ZNF436: variants seen among roughly 807,000 people sequenced by gnomAD.
The protein encoded by ZNF436 is DNA-binding protein.
ZNF436 carries 22 observed loss-of-function variants against 41.9 expected under a neutral mutation model. That is an observed-to-expected ratio of 0.53 (90% CI 0.38 to 0.75). The LOEUF (loss-of-function observed/expected upper bound fraction) is 0.75, where lower values mean the gene tolerates loss of function less well. Among genes scored for constraint, ZNF436 ranks in the 30% least tolerant of loss-of-function variants. The pLI is 0.00. For missense variants in ZNF436, 506 were observed against 587.3 expected, an observed-to-expected ratio of 0.86 and a Z score of 1.43; for synonymous variants, 217 against 197.8, an observed-to-expected ratio of 1.10 and a Z score of -0.82.
rs866787292 is a variant in ZNF436 at position 23,362,600 on chromosome 1, C to A, written c.782G>T (p.Arg261Leu). ...CTGGTGCTGAGCTAGGTGAGAGCTC[C>A]GGCTGAAGCTTTTCCCACACTCCTC... ...ECEECGKSFS[R>L]SSHLAQHQRT... The change falls in exon 4 of 4, where the codon CGG (arginine) becomes CTG (leucine). Residue 261 changes from arginine to leucine, a missense_variant. Physicochemically the swap from Arg to Leu is moderately radical, Grantham distance 102. Around this residue, in one of 2 missense-constraint regions of ZNF436, gnomAD observed 278 missense variants for 372.1 expected, o/e 0.75. Coordinates refer to ENST00000314011, the MANE Select transcript of ZNF436 (RefSeq NM_001077195.2). 5 of 1,613,944 alleles carry A rather than the reference C, an allele frequency of 3.1e-6. No individual in the cohort carries two copies. In the Admixed American group the frequency reaches 8.3e-5, roughly 27 times the overall value.
intron 3 of ZNF436, 53 bp from the exon 4 acceptor site, chr1:23,363,274 G>A (rs1638289995): frequency 1.3e-6 from 2 of 1,497,192 alleles, no homozygotes; most frequent in Non-Finnish European, 9.0e-7. Context: ...TACCTATTGT[G>A]TGCCAGGCAC....
intron 3 of ZNF436, among the ~76,000 whole-genome samples, chr1:23,365,766 G>C (rs1225909305): frequency 6.6e-6 from 1 of 151,370 alleles, no homozygotes; most frequent in Non-Finnish European, 1.5e-5. Flanking sequence ...AAAATAAAAA[G>C]AATTAGCCGG....
At chr1:23,366,923 A>G (rs1638371449) in intron 3 of ZNF436, 119 bp downstream of exon 3, 1 of 1,194,682 alleles carries the variant, frequency 8.4e-7, no homozygotes, top group African/African-American at 1.5e-5. Context: ...ACTCAAGTCA[A>G]GCCAATATCC....
intron 3 of ZNF436, 50 bp downstream of exon 3, chr1:23,366,992 G>A (rs1233382202): frequency 6.3e-7 from 1 of 1,583,604 alleles, no homozygotes; most frequent in Non-Finnish European, 8.6e-7. Context: ...AAGTCATTTT[G>A]ACACGATCTC....
At chr1:23,368,135 C>G in intron 1 of ZNF436, 70 bp from the exon 2 acceptor site, 2 of 1,106,752 alleles carry the variant, frequency 1.8e-6, no homozygotes, top group Non-Finnish European at 2.6e-6. Flanking sequence ...GGCTGGAGTT[C>G]TGGCCCCAAG....
intron 3 of ZNF436, among the ~76,000 whole-genome samples, chr1:23,366,387 C>T (rs1020992320): frequency 5.4e-5 from 7 of 129,614 alleles, no homozygotes. Context: ...AAAGACCGTT[C>T]AGCTCAAGAA....
At chr1:23,367,863 C>G in intron 2 of ZNF436, 110 bp downstream of exon 2, 1 of 1,280,166 alleles carries the variant, frequency 7.8e-7, no homozygotes, top group East Asian at 2.3e-5. Flanking sequence ...AATATCGAAG[C>G]CAGCGAATTA....
intron 3 of ZNF436, among the ~76,000 whole-genome samples, chr1:23,366,799 T>C (rs1638366666): frequency 6.6e-6 from 1 of 152,242 alleles, no homozygotes; most frequent in African/African-American, 2.4e-5. Context: ...AGGCTGGAGA[T>C]TGGAAAATGA....
In ZNF436 at chr1:23,369,547, C is replaced by G. The variant is rs375742257; in HGVS notation, c.-242G>C. 8.4e-5 allele frequency: 45 copies of G among 533,618 alleles called. No homozygotes were observed. The highest frequency in any genetic ancestry group is 3.3e-4 in the Admixed American group (17 of 51,570). The allele number at this position is 533,618 out of a possible 1,614,324, so 33.1% of individuals were successfully genotyped here. On this transcript the variant is annotated 5_prime_UTR_variant, in exon 1 of 4. Transcript: ENST00000314011. ...CGAATTCGTAGACTTGCAGGCGAAG[C>G]CCAGATATCGTAGGCTGATCCTAAA...
chr1:23,364,694 A>G (rs1393711864), intron 3 of ZNF436, among the ~76,000 whole-genome samples: 1 of 152,226 alleles, frequency 6.6e-6, no homozygotes. Flanking sequence ...TCTGGCTGAG[A>G]ACATTCTTGG....
chr1:23,366,546 A>C (rs1349806819), intron 3 of ZNF436, among the ~76,000 whole-genome samples: 1 of 152,204 alleles, frequency 6.6e-6, no homozygotes, highest in Non-Finnish European at 1.5e-5. Flanking sequence ...GACACACTAC[A>C]AATCTATCAT....
At chr1:23,364,147 G>A (rs1220272350) in intron 3 of ZNF436, among the ~76,000 whole-genome samples, 2 of 151,732 alleles carry the variant, frequency 1.3e-5, no homozygotes, top group Non-Finnish European at 2.9e-5. Flanking sequence ...GGTATTTTGT[G>A]AGTATGTATT....
rs1444290471 is a variant in ZNF436, at chr1:23,362,538, C to T, written c.844G>A (p.Glu282Lys). The change falls in exon 4 of 4, where the codon GAA (glutamate) becomes AAA (lysine). Residue 282 changes from glutamate (E) to lysine (K), a missense_variant. Coordinates refer to ENST00000314011, the MANE Select transcript of ZNF436 (RefSeq NM_001077195.2). ...CTCTCACTGAAGCCTCGGCCACATT[C>T]GTTACATTCATAAGGTTTCTCACCC... Reference protein sequence around the residue: ...HTGEKPYECNECGRGFSERSD... With the variant: ...HTGEKPYECNKCGRGFSERSD... 10 of 1,613,922 alleles carry T rather than the reference C, an allele frequency of 6.2e-6. No homozygotes were observed. The highest frequency in any genetic ancestry group is 2.2e-5 in the East Asian group (1 of 44,878).
At position 23,361,917 on chromosome 1, in the gene ZNF436, A is replaced by C; in HGVS notation, c.*52T>G. ...AGTCTTGAGGGCGTTCATTGATATCAAATAAAATTGTATCTTCAAATGAAT... is the reference window on the plus strand; with the variant it reads ...AGTCTTGAGGGCGTTCATTGATATCCAATAAAATTGTATCTTCAAATGAAT... On this transcript the variant is annotated 3_prime_UTR_variant, in exon 4 of 4. Coordinates refer to ENST00000314011, the MANE Select transcript of ZNF436 (RefSeq NM_001077195.2). The C allele has an allele frequency of 6.6e-7, 1 of 1,520,858 alleles. No homozygotes were observed. Among genetic ancestry groups the C allele is most frequent in the Non-Finnish European group, 8.8e-7 (1 of 1,135,152 alleles). 94.2% of individuals were successfully genotyped at this position (1,520,858 alleles called of 1,614,324 possible).
intron 3 of ZNF436, among the ~76,000 whole-genome samples, chr1:23,363,435 C>T (rs1638294061): frequency 1.3e-5 from 2 of 152,068 alleles, no homozygotes; most frequent in South Asian, 4.2e-4. Flanking sequence ...ACTACAGGTG[C>T]ACGCCACCAT....
Position 23,366,285 on chromosome 1 carries a change from T to A in ZNF436, c.160+757A>T, listed in dbSNP as rs560351120. Among the ~76,000 whole-genome samples the A allele has an allele frequency of 2.0e-5, 3 of 152,322 alleles. No homozygotes were observed. In the South Asian group the frequency reaches 6.2e-4, roughly 32 times the overall value. ...ATAAAGATTTCAAAAACAGGATTAA[T>A]CCTAATGAATGGCAAATGACCTAGT... On this transcript the variant is annotated intron_variant, in intron 3 of 3. Transcript: ENST00000314011.
In ZNF436 at chr1:23,360,387, G is replaced by C. The variant is rs758071024; in HGVS notation, c.*1582C>G. 1 of 152,128 alleles carries C rather than the reference G, an allele frequency of 6.6e-6. No individual in the cohort carries two copies. The highest frequency in any genetic ancestry group is 1.5e-5 in the Non-Finnish European group (1 of 68,014). The allele number at this position is 152,128 out of a possible 1,614,324, so 9.4% of individuals were successfully genotyped here. ...CAATAAAGCACAGTAGAAATAAACT[G>C]GGGGTACTCTCAAAAGAAAAGATAT... On this transcript the variant is annotated 3_prime_UTR_variant, in exon 4 of 4. Coordinates refer to ENST00000314011, the MANE Select transcript of ZNF436 (RefSeq NM_001077195.2).
At chr1:23,367,705 TAC>T (rs1442656863) in intron 2 of ZNF436, among the ~76,000 whole-genome samples, 1 of 152,230 alleles carries the variant, frequency 6.6e-6, no homozygotes, top group South Asian at 2.1e-4. Context: ...CCTTTCTCCC[TAC>T]AGATTGTGAA....
Position 23,367,154 on chromosome 1 carries a change from A to C in ZNF436, c.48T>G (p.Phe16Leu). The part of the protein sequence containing the change: ...LMAGSQAPVT[F>L]EDMAMYLTRE... ...GGGTGAGATACATGGCCATATCTTC[A>C]AACGTCACAGGTGCCTGAAATCACA... The change falls in exon 3 of 4, where the codon TTT becomes TTG. Residue 16 changes from phenylalanine to leucine, a missense_variant. Phe to Leu is a conservative substitution (Grantham distance 22, BLOSUM62 0). Around this residue, in one of 2 missense-constraint regions of ZNF436, gnomAD observed 228 missense variants for 215.1 expected, o/e 1.06. Transcript: ENST00000314011. The C allele has an allele frequency of 6.2e-7, 1 of 1,612,196 alleles. No individual in the cohort carries two copies. The highest frequency in any genetic ancestry group is 8.5e-7 in the Non-Finnish European group (1 of 1,179,082).
Sources: gnomAD v4.1 joint callset for allele counts (sites outside exome capture counted in the v4.1 genomes callset) on GRCh38, gnomAD v4.1.1 for gene constraint, gnomAD v4.1.1 regional missense constraint, MANE v1.5 for transcripts, NCBI Gene and HGNC (gene_info 2026-07-23, HGNC 2026-07-21) for gene names.